Variants in MSR1 observed in about 807,000 individuals in gnomAD.
MSR1 encodes the protein macrophage scavenger receptor 1.
MSR1 carries 53 observed loss-of-function variants against 47.2 expected under a neutral mutation model. The observed-to-expected ratio is 1.12, with a 90% CI of 0.90 to 1.41. The LOEUF (loss-of-function observed/expected upper bound fraction) is 1.41, where lower values mean the gene tolerates loss of function less well. Among genes scored for constraint, MSR1 ranks in the 40% most tolerant of loss-of-function variants. MSR1 has a pLI of 0.00. For synonymous variants in MSR1, 239 were observed against 185.6 expected (o/e 1.29, Z -2.34); for missense variants, 786 against 546.9 (o/e 1.44, Z -4.36).
In MSR1 at chr8:16,164,063, A is replaced by G; in HGVS notation, c.817+2T>C. On this transcript the variant is annotated splice_donor_variant, in intron 5 of 9. Transcript: ENST00000262101. LOFTEE classifies it high-confidence loss of function. ...TTCTGGAGAAATGACAAGACATTTT[A>G]CCTTGAATTAAAGTGATATTTCTCA... is the stretch of plus-strand genomic sequence containing the variant. 5.0e-6 allele frequency: 8 copies of G among 1,603,228 alleles called. No individual in the cohort carries two copies. The highest frequency in any genetic ancestry group is 6.8e-6 in the Non-Finnish European group (8 of 1,172,632).
intron 1 of MSR1, among the ~76,000 whole-genome samples, chr8:16,187,039 C>A (rs1275109072): frequency 6.6e-6 from 1 of 151,988 alleles, no homozygotes; most frequent in Non-Finnish European, 1.5e-5. Context: ...ATGCTCAAAG[C>A]CCCTGAATGC....
chr8:16,177,844 C>G (rs771312311), intron 2 of MSR1, 42 bp downstream of exon 2: 3 of 1,504,732 alleles, frequency 2.0e-6, no homozygotes, highest in African/African-American at 1.4e-5. Flanking sequence ...GTCAATAACT[C>G]TAAGAACAAC....
chr8:16,140,230 T>A (rs1800517859), intron 8 of MSR1: 1 of 984,390 alleles, frequency 1.0e-6, no homozygotes, highest in Non-Finnish European at 1.2e-6. Context: ...AGACTCTAGG[T>A]GAATGCGTGT....
intron 4 of MSR1, among the ~76,000 whole-genome samples, chr8:16,166,764 A>G (rs994794324): frequency 6.6e-5 from 10 of 152,092 alleles, no homozygotes. Context: ...TGTGTCCTTG[A>G]TAAGTGTTAT....
chr8:16,134,037 T>G (rs1800326197), intron 8 of MSR1, among the ~76,000 whole-genome samples: 1 of 152,194 alleles, frequency 6.6e-6, no homozygotes, highest in African/African-American at 2.4e-5. Flanking sequence ...GCTGCAGGGT[T>G]CATCTTCAAT....
At chr8:16,135,525 T>A (rs1308971154) in intron 8 of MSR1, among the ~76,000 whole-genome samples, 1 of 152,158 alleles carries the variant, frequency 6.6e-6, no homozygotes, top group East Asian at 1.9e-4. Context: ...AGAGCTCTGA[T>A]GGAGATGGAC....
intron 1 of MSR1, among the ~76,000 whole-genome samples, chr8:16,187,198 C>T (rs141955576): frequency 1.3e-5 from 2 of 151,230 alleles, no homozygotes; most frequent in Non-Finnish European, 2.9e-5. Flanking sequence ...CCTGTCTCTA[C>T]TAAAAATACA....
intron 5 of MSR1, among the ~76,000 whole-genome samples, chr8:16,160,988 G>A (rs1458343680): frequency 1.3e-5 from 2 of 149,344 alleles, no homozygotes; most frequent in South Asian, 4.2e-4. Flanking sequence ...TGTAAAGAGA[G>A]AAACCACACA....
intron 3 of MSR1, among the ~76,000 whole-genome samples, chr8:16,170,475 C>A (rs1225340083): frequency 6.6e-6 from 1 of 152,016 alleles, no homozygotes; most frequent in Non-Finnish European, 1.5e-5. Flanking sequence ...TCTATTTATA[C>A]CTTTTATCTA....
intron 8 of MSR1, chr8:16,140,607 TC>T: frequency 9.2e-7 from 1 of 1,091,338 alleles, no homozygotes; most frequent in Non-Finnish European, 1.1e-6. Context: ...ACATCACTCT[TC>T]CAAGTTAGGG....
intron 3 of MSR1, among the ~76,000 whole-genome samples, chr8:16,172,589 T>C (rs939572152): frequency 2.0e-5 from 3 of 152,122 alleles, no homozygotes; most frequent in African/African-American, 7.2e-5. Flanking sequence ...ACAGATCATA[T>C]CTACTCTTTC....
chr8:16,176,860 GATCCACTGTGCCC>G (rs1801663618), intron 2 of MSR1, among the ~76,000 whole-genome samples: 2 of 152,128 alleles, frequency 1.3e-5, no homozygotes, highest in Non-Finnish European at 1.5e-5. Context: ...CAGAGCACAA[GATCCACTGTGCCC>G]TGGAGTTGAG....
At chr8:16,189,258 T>TATTTTATTTATATTTCAAATATATAAA (rs1802095895) in intron 1 of MSR1, among the ~76,000 whole-genome samples, 1 of 103,118 alleles carries the variant, frequency 9.7e-6, no homozygotes, top group Non-Finnish European at 1.7e-5. Context: ...GATATAATCT[T>TATTTTATTTATATTTCAAATATATAAA]ATTTTATTTA....
At chr8:16,113,472 T>A (rs528832301) in intron 9 of MSR1, among the ~76,000 whole-genome samples, 13 of 152,310 alleles carry the variant, frequency 8.5e-5, no homozygotes, top group Admixed American at 7.8e-4. Flanking sequence ...ATTTTCATTA[T>A]TTCTAGTCAT....
chr8:16,183,612 AATATATAAT>A (rs200413794), intron 1 of MSR1, among the ~76,000 whole-genome samples: 29,814 of 140,666 alleles, frequency 0.21, 4,209 homozygotes, highest in East Asian at 0.53. Flanking sequence ...ATAATAGGCA[AATATATAAT>A]ATATATAATA....
chr8:16,184,527 C>T (rs1287751551), intron 1 of MSR1, among the ~76,000 whole-genome samples: 1 of 152,112 alleles, frequency 6.6e-6, no homozygotes, highest in Non-Finnish European at 1.5e-5. Context: ...GCTGGAGAGG[C>T]ATGTAGCCGG....
chr8:16,164,586 T>C (rs1170291246), intron 4 of MSR1, among the ~76,000 whole-genome samples: 1 of 151,978 alleles, frequency 6.6e-6, no homozygotes, highest in Non-Finnish European at 1.5e-5. Context: ...TTATCTGAAG[T>C]AAAATGTCTT....
intron 7 of MSR1, among the ~76,000 whole-genome samples, chr8:16,145,102 G>C (rs1021904732): frequency 6.6e-6 from 1 of 152,000 alleles, no homozygotes; most frequent in Non-Finnish European, 1.5e-5. Flanking sequence ...GTATTTTGAA[G>C]ATTTAATGAA....
intron 4 of MSR1, among the ~76,000 whole-genome samples, chr8:16,166,461 G>A (rs1353901744): frequency 1.3e-5 from 2 of 151,956 alleles, no homozygotes; most frequent in East Asian, 3.9e-4. Flanking sequence ...GCGCCTGGCA[G>A]CTGAGGCTGC....
Sources: gnomAD v4.1 joint callset for allele counts (sites outside exome capture counted in the v4.1 genomes callset) on GRCh38, gnomAD v4.1.1 for gene constraint, MANE v1.5 for transcripts, NCBI Gene and HGNC (gene_info 2026-07-23, HGNC 2026-07-21) for gene names.